The following MOSPD1 variants were observed in gnomAD, a reference collection of about 807,000 sequenced individuals.
The protein encoded by MOSPD1 is motile sperm domain containing 1.
MOSPD1 carries 5 observed loss-of-function variants against 16.7 expected under a neutral mutation model. That is an observed-to-expected ratio of 0.30 (90% confidence interval 0.16 to 0.63). The LOEUF is 0.63. MOSPD1 is among the 30% of genes least tolerant of loss of function. The pLI is 0.82. For synonymous variants in MOSPD1, 67 were observed against 59.2 expected (o/e 1.13, Z -0.61); for missense variants, 104 against 153.6 (o/e 0.68, Z 1.71).
At chrX:134,911,880 G>C (rs1369000569) in intron 1 of MOSPD1, among the ~76,000 whole-genome samples, 1 of 112,223 alleles carries the variant, frequency 8.9e-6, no homozygotes, top group African/African-American at 3.2e-5. Context: ...ATGAGTAAAA[G>C]AATCAGACTT....
chrX:134,889,215 C>T, intron 5 of MOSPD1, 23 bp from the exon 6 acceptor site: 1 of 1,154,053 alleles, frequency 8.7e-7, no homozygotes, highest in Non-Finnish European at 1.2e-6. Context: ...AAATGGAGAA[C>T]AGTTAAAGGT....
intron 4 of MOSPD1, among the ~76,000 whole-genome samples, chrX:134,894,033 T>C (rs900053812): frequency 2.7e-5 from 3 of 111,677 alleles, no homozygotes; most frequent in African/African-American, 3.2e-5. Flanking sequence ...AACTCTAGCA[T>C]TTTATGAAAG....
intron 1 of MOSPD1, among the ~76,000 whole-genome samples, chrX:134,910,034 G>A (rs185069492): frequency 2.7e-5 from 3 of 111,490 alleles, no homozygotes; most frequent in Admixed American, 1.9e-4. Flanking sequence ...TTCAAGATGC[G>A]CAATTCTCAA....
intron 5 of MOSPD1, among the ~76,000 whole-genome samples, chrX:134,890,308 CTA>C (rs2082856219): frequency 9.1e-6 from 1 of 110,377 alleles, no homozygotes; most frequent in Non-Finnish European, 1.9e-5. Context: ...AAATGCCAAG[CTA>C]TGGCACTGAA....
At chrX:134,912,891 A>G (rs2082979797) in intron 1 of MOSPD1, among the ~76,000 whole-genome samples, 1 of 106,724 alleles carries the variant, frequency 9.4e-6, no homozygotes, top group African/African-American at 3.4e-5. Context: ...GTGAGCCGAG[A>G]TTGTGCCACT....
chrX:134,889,735 G>A (rs2082852231), intron 5 of MOSPD1, among the ~76,000 whole-genome samples: 1 of 111,771 alleles, frequency 8.9e-6, no homozygotes, highest in Non-Finnish European at 1.9e-5. Flanking sequence ...TGGGACTGGG[G>A]CAGTCAGAAA....
chrX:134,892,587 A>T (rs1021927223), intron 4 of MOSPD1, among the ~76,000 whole-genome samples: 2 of 111,230 alleles, frequency 1.8e-5, no homozygotes, highest in African/African-American at 6.6e-5. Flanking sequence ...ATGTTCCTAA[A>T]ATAAAATTCT....
At chrX:134,900,478 T>C (rs984126324) in intron 1 of MOSPD1, among the ~76,000 whole-genome samples, 3 of 111,895 alleles carry the variant, frequency 2.7e-5, no homozygotes, top group African/African-American at 9.7e-5. Flanking sequence ...AATTTTTTTA[T>C]GAAAATGTGA....
rs765180344 is a variant in MOSPD1, at chrX:134,893,052, T to C, written c.449-1412A>G. Among the ~76,000 whole-genome samples, 5 of 111,784 alleles carry C rather than the reference T, an allele frequency of 4.5e-5. No individual in the cohort carries two copies. The South Asian group carries it at 1.9e-3, about 42-fold the overall frequency. On this transcript the variant is annotated intron_variant, in intron 4 of 5. Transcript: ENST00000370783. The stretch of plus-strand genomic sequence containing the variant: ...CTACCTTTCCTTTCATTGAAAGGAA[T>C]AGCCAACAGCAACACAATCTTTGTG...
At position 134,899,074 on chromosome X, in the gene MOSPD1, A is replaced by G; in HGVS notation, c.230+16T>C. 8.7e-7 allele frequency: 1 copy of G among 1,144,965 alleles called. No homozygotes were observed. The highest frequency in any genetic ancestry group is 1.9e-5 in the South Asian group (1 of 52,087). 94.4% of individuals were successfully genotyped at this position (1,144,965 alleles called of 1,213,427 possible). On this transcript the variant is annotated intron_variant, in intron 3 of 5. Transcript: ENST00000370783. ...ACACACTTAAAACGTGTTACCAGGAATTGATCTTGACTTACATATCCACAC... is the reference window on the plus strand; with the variant it reads ...ACACACTTAAAACGTGTTACCAGGAGTTGATCTTGACTTACATATCCACAC...
At position 134,891,580 on chromosome X, in the gene MOSPD1, A is replaced by G. The variant is rs2082863163; in HGVS notation, c.509T>C (p.Ile170Thr). The change falls in exon 5 of 6, where the codon ATT becomes ACT. Residue 170 changes from isoleucine (I) to threonine (T), a missense_variant. Ile to Thr is a moderately conservative substitution (Grantham distance 89, BLOSUM62 -1). This residue lies in a region of MOSPD1 where 68 missense variants were observed against 73.1 expected (regional missense o/e 0.93). Coordinates refer to ENST00000370783, the MANE Select transcript of MOSPD1 (RefSeq NM_019556.3). The stretch of plus-strand genomic sequence containing the variant: ...CAGTGTAGGCAGCATCAGGGCTGCA[A>G]TGCACACCACTCCCAGGAAGACAGT... ...LLTVFLGVVC[I>T]AALMLPTLGD... The G allele has an allele frequency of 8.3e-7, 1 of 1,209,148 alleles. No homozygotes were observed. The highest frequency in any genetic ancestry group is 1.1e-6 in the Non-Finnish European group (1 of 894,613).
chrX:134,906,962 C>T (rs896080588), intron 1 of MOSPD1, among the ~76,000 whole-genome samples: 2 of 111,782 alleles, frequency 1.8e-5, no homozygotes, highest in Admixed American at 9.6e-5. Context: ...GGCACGGTGG[C>T]TCACGCCTGT....
At chrX:134,909,928 C>A (rs1431559556) in intron 1 of MOSPD1, among the ~76,000 whole-genome samples, 1 of 111,440 alleles carries the variant, frequency 9.0e-6, no homozygotes, top group Non-Finnish European at 1.9e-5. Flanking sequence ...AACCTAATGT[C>A]TCTTTGAAAA....
chrX:134,906,770 A>G (rs1445793830), intron 1 of MOSPD1, among the ~76,000 whole-genome samples: 1 of 111,876 alleles, frequency 8.9e-6, no homozygotes, highest in Non-Finnish European at 1.9e-5. Flanking sequence ...TCAAGTGCAC[A>G]CCAAGTCAGA....
intron 1 of MOSPD1, among the ~76,000 whole-genome samples, chrX:134,905,049 T>C (rs1246133391): frequency 1.8e-5 from 2 of 109,460 alleles, no homozygotes; most frequent in Non-Finnish European, 3.8e-5. Context: ...GTGTAATGCA[T>C]GCTGCCATTT....
chrX:134,908,947 TTGCACCCTGCAACC>T lies in MOSPD1; in HGVS notation c.-102+6221_-102+6234del, dbSNP rs778334738. 2.7e-5 allele frequency among the ~76,000 whole-genome samples: 3 copies of T among 112,289 alleles called. No homozygotes were observed. The Admixed American group carries it at 2.8e-4, about 11-fold the overall frequency. On this transcript the variant is annotated intron_variant, in intron 1 of 5. Transcript: ENST00000370783. ...AACCACTTTCATAGCATTTTCTCAT[TTGCACCCTGCAACC>T]TGTTTTTAGAAAGAGGAGGCTGCAG...
chrX:134,909,027 G>C (rs1323287602), intron 1 of MOSPD1, among the ~76,000 whole-genome samples: 4 of 111,023 alleles, frequency 3.6e-5, no homozygotes, highest in Non-Finnish European at 5.7e-5. Flanking sequence ...CAGCACTTTG[G>C]AAGGCCGAGG....
chrX:134,896,849 T>C lies in MOSPD1; in HGVS notation c.416A>G (p.Glu139Gly), dbSNP rs1227126597. 8 of 1,209,758 alleles carry C rather than the reference T, an allele frequency of 6.6e-6. No homozygotes were observed. Among genetic ancestry groups the C allele is most frequent in the Admixed American group, 2.2e-5 (1 of 45,696 alleles). Residue 139 changes from glutamate (E) to glycine (G), a missense_variant, in exon 4 of 6, where the codon GAA becomes GGA. This residue lies in a region of MOSPD1 where 68 missense variants were observed against 73.1 expected (regional missense o/e 0.93). Transcript: ENST00000370783. ...AAACGACTGCTCAAAAAATAAACTT[T>C]CAGTTAAATGTTCCTTTAATCTTTT... ...EEKRLKEHLT[E>G]SLFFEQSFQP...
chrX:134,909,131 A>C (rs1452364063), intron 1 of MOSPD1, among the ~76,000 whole-genome samples: 1 of 109,627 alleles, frequency 9.1e-6, no homozygotes, highest in Admixed American at 9.8e-5. Flanking sequence ...ATTAGCCGGG[A>C]GTAGTGGCGG....
Sources: gnomAD v4.1 joint callset for allele counts (sites outside exome capture counted in the v4.1 genomes callset) on GRCh38, gnomAD v4.1.1 for gene constraint, gnomAD v4.1.1 regional missense constraint, MANE v1.5 for transcripts, NCBI Gene and HGNC (gene_info 2026-07-23, HGNC 2026-07-21) for gene names.